The following SNX25 variants were observed in gnomAD, a reference collection of about 807,000 sequenced individuals.
The protein encoded by SNX25 is sorting nexin-25.
Under a neutral mutation model 113.7 loss-of-function variants are expected in SNX25, and 62 were observed. The observed-to-expected ratio is 0.55, with a 90% confidence interval of 0.44 to 0.67. The LOEUF (loss-of-function observed/expected upper bound fraction) is 0.67, where lower values mean the gene tolerates loss of function less well. Ranked by LOEUF, SNX25 falls within the 30% of genes least tolerant of loss-of-function variation. The pLI, the probability that SNX25 is intolerant of heterozygous loss-of-function variation, is 0.00. For missense variants in SNX25, 1,014 were observed against 1,161.0 expected, an observed-to-expected ratio of 0.87 and a Z score of 1.84; for synonymous variants, 421 against 436.2, an observed-to-expected ratio of 0.97 and a Z score of 0.43.
intron 5 of SNX25, among the ~76,000 whole-genome samples, chr4:185,276,214 ATGAG>A (rs1749651103): frequency 1.3e-5 from 2 of 152,124 alleles, no homozygotes; most frequent in African/African-American, 2.4e-5. Context: ...TGCTTTATGA[ATGAG>A]TAAGGGTGAG....
chr4:185,318,267 AT>A (rs904115737), intron 7 of SNX25, among the ~76,000 whole-genome samples: 2 of 152,132 alleles, frequency 1.3e-5, no homozygotes, highest in African/African-American at 4.8e-5. Context: ...ATTGCATGTA[AT>A]TTTTTATTAC....
intron 13 of SNX25, among the ~76,000 whole-genome samples, chr4:185,349,946 C>T (rs1423932909): frequency 6.6e-6 from 1 of 152,220 alleles, no homozygotes; most frequent in Admixed American, 6.5e-5. Context: ...CTCACTACTC[C>T]TGATCCATCC....
intron 2 of SNX25, 147 bp from the exon 3 acceptor site, chr4:185,258,701 T>C (rs931029057): frequency 1.0e-4 from 66 of 640,498 alleles, no homozygotes; most frequent in Non-Finnish European, 1.6e-4. Context: ...TTAAAAGACT[T>C]AGGAATTCTC....
At chr4:185,236,011 CATT>C (rs1411523293) in intron 1 of SNX25, among the ~76,000 whole-genome samples, 2 of 152,294 alleles carry the variant, frequency 1.3e-5, no homozygotes, top group East Asian at 3.9e-4. Flanking sequence ...TGGTAATTAA[CATT>C]GTTGTCCCCC....
chr4:185,214,985 C>T (rs920672382), intron 1 of SNX25, among the ~76,000 whole-genome samples: 8 of 152,144 alleles, frequency 5.3e-5, no homozygotes, highest in African/African-American at 1.9e-4. Flanking sequence ...AATCCCAGCA[C>T]TTTGGGAGGC....
chr4:185,264,333 T>C (rs911270291), intron 3 of SNX25, 105 bp from the exon 4 acceptor site: 10 of 1,087,436 alleles, frequency 9.2e-6, no homozygotes, highest in South Asian at 1.7e-5. Flanking sequence ...AGATGGCAGT[T>C]ACTATAACCA....
chr4:185,313,566 A>T (rs540184273), intron 7 of SNX25, among the ~76,000 whole-genome samples: 1 of 152,360 alleles, frequency 6.6e-6, no homozygotes, highest in African/African-American at 2.4e-5. Context: ...AGAAGAAATT[A>T]TAAGGAAAAT....
intron 1 of SNX25, among the ~76,000 whole-genome samples, chr4:185,211,959 T>G (rs535035509): frequency 6.6e-6 from 1 of 152,254 alleles, no homozygotes; most frequent in East Asian, 1.9e-4. Flanking sequence ...AAAGATTGTT[T>G]AGTAGAGGAG....
chr4:185,340,195 C>CT (rs1227223476), intron 11 of SNX25, among the ~76,000 whole-genome samples: 4 of 151,964 alleles, frequency 2.6e-5, no homozygotes, highest in East Asian at 1.9e-4. Context: ...CAAGAGAGTG[C>CT]TTTTTTTTGT....
intron 6 of SNX25, among the ~76,000 whole-genome samples, chr4:185,289,526 G>A (rs1307509675): frequency 1.3e-5 from 2 of 152,170 alleles, no homozygotes; most frequent in Admixed American, 1.3e-4. Context: ...AGCCAAACAC[G>A]AGCTCAGAGA....
intron 1 of SNX25, among the ~76,000 whole-genome samples, chr4:185,216,633 C>T (rs1427488548): frequency 2.0e-5 from 3 of 150,742 alleles, no homozygotes; most frequent in African/African-American, 7.3e-5. Flanking sequence ...GATTCTCCTG[C>T]CTCAGCCTCC....
In SNX25 at chr4:185,357,581, A is replaced by T. The variant is rs74735070; in HGVS notation, c.2585-90A>T. Reference sequence around the variant, plus strand: ...TGATGGCAGGACTGAAATCATCTTAAGTGGTAAGATTTATGCTTTGTACAG... The same window carrying T: ...TGATGGCAGGACTGAAATCATCTTATGTGGTAAGATTTATGCTTTGTACAG... On this transcript the variant is annotated intron_variant, in intron 15 of 18. Coordinates refer to ENST00000652585, the MANE Select transcript of SNX25 (RefSeq NM_001378034.2). The T allele has an allele frequency of 2.8e-6, 3 of 1,069,248 alleles. No individual in the cohort carries two copies. The African/African-American group carries it at 4.7e-5, about 17-fold the overall frequency. The allele number at this position is 1,069,248 out of a possible 1,614,324, so 66.2% of individuals were successfully genotyped here.
At chr4:185,224,886 C>T (rs1740739174) in intron 1 of SNX25, among the ~76,000 whole-genome samples, 1 of 151,304 alleles carries the variant, frequency 6.6e-6, no homozygotes, top group African/African-American at 2.4e-5. Flanking sequence ...TTTTGAATGT[C>T]TTCTGCTTAT....
intron 1 of SNX25, among the ~76,000 whole-genome samples, chr4:185,239,606 G>A (rs546413348): frequency 1.4e-4 from 22 of 152,108 alleles, no homozygotes; most frequent in African/African-American, 1.9e-4. Flanking sequence ...ATCTTGATAC[G>A]TTGTTTTCAA....
downstream of SNX25, chr4:185,365,083 A>T (rs534046645): frequency 1.3e-5 from 2 of 152,060 alleles, no homozygotes; most frequent in Admixed American, 1.3e-4. Flanking sequence ...CGAGTTACAG[A>T]CTCACCGCAG....
At chr4:185,332,902 A>T in intron 10 of SNX25, 143 bp downstream of exon 10, 1 of 891,252 alleles carries the variant, frequency 1.1e-6, no homozygotes, top group Non-Finnish European at 1.6e-6. Context: ...TGCTTCTAGG[A>T]TAGAATTAGA....
intron 17 of SNX25, chr4:185,362,397 TTC>T: frequency 1.1e-6 from 1 of 948,510 alleles, no homozygotes; most frequent in Non-Finnish European, 1.3e-6. Context: ...ATTATTAAAA[TTC>T]GTAGTTGAAA....
intron 8 of SNX25, among the ~76,000 whole-genome samples, chr4:185,322,290 G>A (rs1347348147): frequency 6.6e-6 from 1 of 152,084 alleles, no homozygotes; most frequent in Non-Finnish European, 1.5e-5. Flanking sequence ...AATTAGCCAG[G>A]CGTGGTGATG....
intron 15 of SNX25, among the ~76,000 whole-genome samples, chr4:185,356,372 G>A (rs971621329): frequency 6.6e-6 from 1 of 152,074 alleles, no homozygotes; most frequent in Non-Finnish European, 1.5e-5. Context: ...GACCCTCTAG[G>A]TATGAGCCAC....
Sources: allele counts gnomAD v4.1 joint callset (sites outside exome capture counted in the v4.1 genomes callset), GRCh38; gene constraint gnomAD v4.1.1; transcripts MANE v1.5; gene names NCBI Gene and HGNC (gene_info 2026-07-23, HGNC 2026-07-21).